The following ESCO2 variants were observed in gnomAD, a reference collection of about 807,000 sequenced individuals.
ESCO2 encodes N-acetyltransferase ESCO2.
A neutral mutation model predicts 61.7 loss-of-function variants in ESCO2; 51 were observed. The observed-to-expected ratio is 0.83, with a 90% CI of 0.66 to 1.04. The LOEUF (loss-of-function observed/expected upper bound fraction) is 1.04. Among genes scored for constraint, ESCO2 ranks in the 50% least tolerant of loss-of-function variants. The pLI is 0.00. For missense variants in ESCO2, 692 were observed against 686.2 expected, an observed-to-expected ratio of 1.01 and a Z score of -0.09; for synonymous variants, 230 against 238.2, an observed-to-expected ratio of 0.97 and a Z score of 0.32.
rs1405696948 is a variant in ESCO2 at position 27,804,573 on chromosome 8, ACAT to A, written c.*1136_*1138del. 7.1e-6 allele frequency: 7 copies of A among 985,426 alleles called. No individual in the cohort carries two copies. Among genetic ancestry groups the A allele is most frequent in the Non-Finnish European group, 8.4e-6 (7 of 829,918 alleles). 61.0% of individuals were successfully genotyped at this position (985,426 alleles called of 1,614,324 possible). On this transcript the variant is annotated 3_prime_UTR_variant, in exon 11 of 11. Coordinates refer to ENST00000305188, the MANE Select transcript of ESCO2 (RefSeq NM_001017420.3). ...ATTCTTGGATACTTTAAAAAGCAAA[ACAT>A]TGTTCAAATTGTTTTGATTCTGAAA...
downstream of ESCO2, among the ~76,000 whole-genome samples, chr8:27,807,042 ATCTATT>A (rs1325448396): frequency 6.6e-6 from 1 of 152,168 alleles, no homozygotes; most frequent in Non-Finnish European, 1.5e-5. Context: ...ATTCTAATTT[ATCTATT>A]TCTATCTACA....
chr8:27,790,212 G>A (rs145689787), intron 7 of ESCO2, among the ~76,000 whole-genome samples: 1 of 152,226 alleles, frequency 6.6e-6, no homozygotes, highest in East Asian at 1.9e-4. Context: ...TATACCATAC[G>A]GGATTTCTTT....
In ESCO2 at chr8:27,804,809, A is replaced by C; in HGVS notation, c.*1371A>C. 1 of 951,722 alleles carries C rather than the reference A, an allele frequency of 1.1e-6. No homozygotes were observed. Among genetic ancestry groups the C allele is most frequent in the Non-Finnish European group, 1.3e-6 (1 of 799,328 alleles). The allele number at this position is 951,722 out of a possible 1,614,324, so 59.0% of individuals were successfully genotyped here. A position where few individuals can be genotyped will look rare whatever the true frequency, so the allele number is the denominator to read the frequency against. On this transcript the variant is annotated 3_prime_UTR_variant, in exon 11 of 11. Transcript: ENST00000305188. ...CATTTTAATGCTATTTTCTGCACTT[A>C]TTTCTTTTAAATATTTTATTTAAAA...
intron 9 of ESCO2, among the ~76,000 whole-genome samples, chr8:27,799,214 T>A (rs747794726): frequency 7.9e-5 from 12 of 152,196 alleles, no homozygotes; most frequent in Non-Finnish European, 1.0e-4. Flanking sequence ...CTGGTTTCTT[T>A]AGGTGGTCAT....
At chr8:27,799,765 C>T in intron 10 of ESCO2, 49 bp downstream of exon 10, 1 of 1,602,200 alleles carries the variant, frequency 6.2e-7, no homozygotes, top group Non-Finnish European at 8.5e-7. Context: ...TCATAGCTTT[C>T]CCAGAACCTC....
intron 9 of ESCO2, among the ~76,000 whole-genome samples, chr8:27,795,777 T>C (rs1337609637): frequency 6.6e-6 from 1 of 152,198 alleles, no homozygotes; most frequent in Non-Finnish European, 1.5e-5. Flanking sequence ...CTTCATTCTG[T>C]TAATATGGTG....
chr8:27,801,926 C>CCA (rs546279156), intron 10 of ESCO2, among the ~76,000 whole-genome samples: 41 of 148,822 alleles, frequency 2.8e-4, no homozygotes, highest in Non-Finnish European at 4.0e-4. Context: ...ATTTGACAGT[C>CCA]CATATTTCAC....
At chr8:27,789,276 A>G (rs1325893326) in intron 7 of ESCO2, among the ~76,000 whole-genome samples, 2 of 152,170 alleles carry the variant, frequency 1.3e-5, no homozygotes, top group African/African-American at 4.8e-5. Flanking sequence ...TTTTTCTGAG[A>G]GGAGAGGTCC....
intron 7 of ESCO2, among the ~76,000 whole-genome samples, chr8:27,789,935 A>G (rs1394224157): frequency 6.6e-6 from 1 of 152,228 alleles, no homozygotes; most frequent in Non-Finnish European, 1.5e-5. Flanking sequence ...CAAAAGAGAA[A>G]GTGTGTATGT....
At chr8:27,789,489 A>G (rs1805124739) in intron 7 of ESCO2, among the ~76,000 whole-genome samples, 1 of 152,202 alleles carries the variant, frequency 6.6e-6, no homozygotes, top group African/African-American at 2.4e-5. Context: ...GTTTTAAAAC[A>G]TAAGTCTAGG....
At chr8:27,788,212 A>C (rs1311517095) in intron 6 of ESCO2, among the ~76,000 whole-genome samples, 4 of 151,720 alleles carry the variant, frequency 2.6e-5, no homozygotes, top group African/African-American at 9.7e-5. Flanking sequence ...TCTTGGGTCA[A>C]ATAATTTTAA....
intron 10 of ESCO2, among the ~76,000 whole-genome samples, chr8:27,801,671 T>C (rs1238249416): frequency 6.6e-6 from 1 of 152,150 alleles, no homozygotes; most frequent in Non-Finnish European, 1.5e-5. Flanking sequence ...TCCGAAATAA[T>C]TTCAAACTTA....
chr8:27,797,174 G>A (rs1805317397), intron 9 of ESCO2, among the ~76,000 whole-genome samples: 1 of 152,098 alleles, frequency 6.6e-6, no homozygotes, highest in African/African-American at 2.4e-5. Flanking sequence ...ATCCATTGTT[G>A]AAAGTAGGAT....
downstream of ESCO2, among the ~76,000 whole-genome samples, chr8:27,814,174 A>G (rs577400129): frequency 1.8e-4 from 27 of 152,254 alleles, no homozygotes; most frequent in African/African-American, 6.0e-4. Flanking sequence ...CAACAGTAAA[A>G]CATCTGGGTC....
intron 3 of ESCO2, 57 bp downstream of exon 3, chr8:27,777,226 G>A: frequency 6.7e-7 from 1 of 1,485,520 alleles, no homozygotes; most frequent in Non-Finnish European, 9.1e-7. Context: ...CAGTATAAAT[G>A]ACATAGTTGA....
At chr8:27,809,843 C>T (rs1160903950), downstream of ESCO2, 1 of 154,236 alleles carries the variant, frequency 6.5e-6, no homozygotes, top group African/African-American at 2.4e-5. Context: ...CTTTTTGAGG[C>T]ATATTCTCCT....
chr8:27,794,240 T>G (rs1433503142), intron 9 of ESCO2, among the ~76,000 whole-genome samples: 6 of 152,256 alleles, frequency 3.9e-5, no homozygotes, highest in Admixed American at 3.9e-4. Context: ...TCAGTTCCTT[T>G]GGATATACAC....
intron 2 of ESCO2, 31 bp from the exon 3 acceptor site, chr8:27,776,331 T>A: frequency 6.4e-7 from 1 of 1,563,686 alleles, no homozygotes; most frequent in Non-Finnish European, 8.7e-7. Flanking sequence ...CGCAAAATAA[T>A]CTTATCAATG....
At chr8:27,795,512 T>C (rs1805275022) in intron 9 of ESCO2, among the ~76,000 whole-genome samples, 1 of 152,196 alleles carries the variant, frequency 6.6e-6, no homozygotes, top group South Asian at 2.1e-4. Context: ...TCTTTTTTCT[T>C]CCTAATTGCT....
Sources: allele counts gnomAD v4.1 joint callset (sites outside exome capture counted in the v4.1 genomes callset), GRCh38; gene constraint gnomAD v4.1.1; transcripts MANE v1.5; gene names NCBI Gene and HGNC (gene_info 2026-07-23, HGNC 2026-07-21).